The following CNTN5 variants were observed in gnomAD, a reference collection of about 807,000 sequenced individuals.
CNTN5 encodes contactin-5.
In CNTN5, 77 loss-of-function variants were observed where a neutral mutation model predicts 129.1. That is an observed-to-expected ratio of 0.60 (90% CI 0.50 to 0.72). CNTN5 has a LOEUF of 0.72. CNTN5 is among the 30% of genes least tolerant of loss of function. The pLI, the probability that CNTN5 is intolerant of heterozygous loss-of-function variation, is 0.00. For synonymous variants in CNTN5, 509 were observed against 465.6 expected (o/e 1.09, Z -1.20); for missense variants, 1,478 against 1,328.8 (o/e 1.11, Z -1.75).
intron 6 of CNTN5, among the ~76,000 whole-genome samples, chr11:99,889,322 G>GTGTGTT (rs1555147158): frequency 8.2e-5 from 6 of 73,236 alleles, no homozygotes; most frequent in African/African-American, 2.4e-4. Context: ...GTGTGTGTGT[G>GTGTGTT]TGTGTGTGTG....
At chr11:100,005,378 A>G (rs1172007173) in intron 9 of CNTN5, among the ~76,000 whole-genome samples, 1 of 151,932 alleles carries the variant, frequency 6.6e-6, no homozygotes, top group Non-Finnish European at 1.5e-5. Context: ...TTTCCTACCT[A>G]TTCTTGCCTC....
intron 16 of CNTN5, among the ~76,000 whole-genome samples, chr11:100,254,148 G>A (rs1274345168): frequency 6.6e-6 from 1 of 152,072 alleles, no homozygotes; most frequent in East Asian, 1.9e-4. Context: ...GAATTGGTCA[G>A]TTTCACTTCA....
At chr11:100,131,006 TAACGGAGAGCAGGGCTACC>T (rs1946357073) in intron 13 of CNTN5, among the ~76,000 whole-genome samples, 1 of 152,140 alleles carries the variant, frequency 6.6e-6, no homozygotes, top group Non-Finnish European at 1.5e-5. Context: ...ATCAAGATGG[TAACGGAGAGCAGGGCTACC>T]TAAGGGGTCT....
At chr11:100,192,690 C>T (rs756033491) in intron 14 of CNTN5, among the ~76,000 whole-genome samples, 2 of 151,988 alleles carry the variant, frequency 1.3e-5, no homozygotes, top group Non-Finnish European at 2.9e-5. Flanking sequence ...ATCAGCTAAT[C>T]ACTAACTTAA....
intron 1 of CNTN5, among the ~76,000 whole-genome samples, chr11:99,039,000 C>A (rs934480186): frequency 1.3e-5 from 2 of 151,994 alleles, no homozygotes; most frequent in East Asian, 3.9e-4. Context: ...TCACAACTAG[C>A]TAAAATGTCA....
At chr11:99,598,606 G>A (rs995590672) in intron 3 of CNTN5, among the ~76,000 whole-genome samples, 5 of 149,654 alleles carry the variant, frequency 3.3e-5, no homozygotes, top group African/African-American at 1.2e-4. Context: ...TTTTAATTTA[G>A]GATTAAAAAG....
intron 3 of CNTN5, among the ~76,000 whole-genome samples, chr11:99,813,000 A>T (rs1021797624): frequency 1.9e-5 from 2 of 107,510 alleles, no homozygotes; most frequent in Non-Finnish European, 4.2e-5. Flanking sequence ...ACCAACTGGT[A>T]AAATCTTACC....
intron 15 of CNTN5, among the ~76,000 whole-genome samples, chr11:100,198,704 C>T (rs982700166): frequency 2.6e-5 from 4 of 151,826 alleles, no homozygotes; most frequent in African/African-American, 9.7e-5. Flanking sequence ...CTCTAAAGTT[C>T]GTTTCATTAT....
rs371321803 is a variant in CNTN5, at chr11:99,541,793, C to G, written c.-70-14352C>G. 7.3e-5 allele frequency among the ~76,000 whole-genome samples: 11 copies of G among 151,348 alleles called. No individual in the cohort carries two copies. In the South Asian group the frequency reaches 2.3e-3, roughly 32 times the overall value. On this transcript the variant is annotated intron_variant, in intron 2 of 24. Coordinates refer to ENST00000524871, the MANE Select transcript of CNTN5 (RefSeq NM_014361.4). ...GTGAAATCTCGTCTCTATGGAAAATCAAAAAATTGGCTACGTAGGATGGCA... is the reference window on the plus strand; with the variant it reads ...GTGAAATCTCGTCTCTATGGAAAATGAAAAAATTGGCTACGTAGGATGGCA...
intron 3 of CNTN5, among the ~76,000 whole-genome samples, chr11:99,716,025 T>TAA (rs11416838): frequency 1.3e-5 from 2 of 151,416 alleles, no homozygotes; most frequent in South Asian, 2.1e-4. Context: ...TCATCTAATT[T>TAA]AAAAAAAAGT....
At chr11:99,518,729 G>T (rs1018163659) in intron 2 of CNTN5, among the ~76,000 whole-genome samples, 3 of 151,988 alleles carry the variant, frequency 2.0e-5, no homozygotes, top group Admixed American at 1.3e-4. Context: ...CAGAGAATTT[G>T]AAATCATTCC....
At chr11:99,739,054 C>G (rs1943807315) in intron 3 of CNTN5, among the ~76,000 whole-genome samples, 1 of 152,050 alleles carries the variant, frequency 6.6e-6, no homozygotes, top group Non-Finnish European at 1.5e-5. Flanking sequence ...GGGCCTAGTA[C>G]CCTTCTGTCT....
intron 6 of CNTN5, among the ~76,000 whole-genome samples, chr11:99,912,076 C>T (rs1221409190): frequency 6.6e-6 from 1 of 151,292 alleles, no homozygotes; most frequent in Non-Finnish European, 1.5e-5. Flanking sequence ...TTTTAAGCTA[C>T]CTCAAATACT....
At chr11:99,438,031 T>A (rs1943669017) in intron 2 of CNTN5, among the ~76,000 whole-genome samples, 1 of 152,134 alleles carries the variant, frequency 6.6e-6, no homozygotes, top group Non-Finnish European at 1.5e-5. Context: ...ATAAGAATGT[T>A]TATATATCAT....
At chr11:100,186,979 G>A (rs1948318029) in intron 13 of CNTN5, among the ~76,000 whole-genome samples, 1 of 152,082 alleles carries the variant, frequency 6.6e-6, no homozygotes, top group South Asian at 2.1e-4. Flanking sequence ...TGAATCAGTA[G>A]ACAGAATTTT....
intron 1 of CNTN5, among the ~76,000 whole-genome samples, chr11:99,142,755 T>A (rs558847553): frequency 6.6e-6 from 1 of 152,282 alleles, no homozygotes; most frequent in Non-Finnish European, 1.5e-5. Flanking sequence ...CTCTGGCTTC[T>A]ACACAGGCTA....
At chr11:99,374,558 C>G (rs925632639) in intron 2 of CNTN5, among the ~76,000 whole-genome samples, 2 of 152,134 alleles carry the variant, frequency 1.3e-5, no homozygotes, top group African/African-American at 4.8e-5. Flanking sequence ...GTGGCAGGTG[C>G]CTGTAGTCCC....
chr11:99,124,123 A>G (rs959619492), intron 1 of CNTN5, among the ~76,000 whole-genome samples: 2 of 152,036 alleles, frequency 1.3e-5, no homozygotes, highest in Admixed American at 1.3e-4. Context: ...TTTATGCAAT[A>G]TGGCCATTTT....
intron 3 of CNTN5, among the ~76,000 whole-genome samples, chr11:99,618,692 A>G (rs1165067718): frequency 6.6e-6 from 1 of 152,178 alleles, no homozygotes; most frequent in African/African-American, 2.4e-5. Context: ...TAAACATATA[A>G]TCTAGTTAAC....
Sources: allele counts gnomAD v4.1 joint callset (sites outside exome capture counted in the v4.1 genomes callset), GRCh38; gene constraint gnomAD v4.1.1; transcripts MANE v1.5; gene names NCBI Gene and HGNC (gene_info 2026-07-23, HGNC 2026-07-21).